Variants in SLC4A4 observed in about 807,000 individuals in gnomAD.
SLC4A4 encodes solute carrier family 4 member 4, also known as electrogenic sodium bicarbonate cotransporter 1.
Under a neutral mutation model 111.5 loss-of-function variants are expected in SLC4A4, and 27 were observed. The ratio of observed to expected loss-of-function variants is 0.24; its 90% CI spans 0.18 to 0.33. The LOEUF is 0.33. Among genes scored for constraint, SLC4A4 ranks in the 10% least tolerant of loss-of-function variants. The pLI, the probability that SLC4A4 is intolerant of heterozygous loss-of-function variation, is 1.00. For missense variants in SLC4A4, 909 were observed against 1,315.5 expected (o/e 0.69, Z 4.78); for synonymous variants, 443 against 463.4 (o/e 0.96, Z 0.57).
At chr4:71,561,330 G>T (rs1003642996) in intron 23 of SLC4A4, among the ~76,000 whole-genome samples, 2 of 151,744 alleles carry the variant, frequency 1.3e-5, no homozygotes, top group African/African-American at 4.8e-5. Context: ...GCTTTATTGA[G>T]GTACGATTGA....
chr4:71,479,642 G>A (rs1007147296), intron 14 of SLC4A4, among the ~76,000 whole-genome samples: 1 of 151,648 alleles, frequency 6.6e-6, no homozygotes, highest in Non-Finnish European at 1.5e-5. Flanking sequence ...TATGAGGTAG[G>A]TTTAAATCAT....
At chr4:71,263,011 C>T (rs1721977876) in intron 3 of SLC4A4, among the ~76,000 whole-genome samples, 1 of 132,704 alleles carries the variant, frequency 7.5e-6, no homozygotes, top group South Asian at 3.1e-4. Context: ...TATCCCTCCC[C>T]CCTCCCCCCA....
chr4:71,235,408 A>G (rs1243302953), intron 1 of SLC4A4, among the ~76,000 whole-genome samples: 2 of 152,236 alleles, frequency 1.3e-5, no homozygotes, highest in Non-Finnish European at 2.9e-5. Flanking sequence ...ACAATATTCA[A>G]TGCCTGAGCA....
rs1744100691 is a variant in SLC4A4, at chr4:71,144,277, G to T, written c.-2+51485G>T. Among the ~76,000 whole-genome samples, 3 of 152,198 alleles carry T rather than the reference G, an allele frequency of 2.0e-5. No homozygotes were observed. In the Middle Eastern group the frequency reaches 0.01, roughly 518 times the overall value. ...GTTGTAGATATGCGGCATTATTTCTGAGGGCTCTGTTCTGTTCCATTGATC... is the reference window on the plus strand; with the variant it reads ...GTTGTAGATATGCGGCATTATTTCTTAGGGCTCTGTTCTGTTCCATTGATC... On this transcript the variant is annotated intron_variant, in intron 2 of 26. Transcript: ENST00000649996.
At chr4:71,313,411 G>T (rs1726378839) in intron 3 of SLC4A4, among the ~76,000 whole-genome samples, 1 of 152,034 alleles carries the variant, frequency 6.6e-6, no homozygotes, top group African/African-American at 2.4e-5. Context: ...TTTCTTCACA[G>T]AATTAGAAAA....
chr4:71,448,761 C>CT (rs1225901729), intron 9 of SLC4A4, among the ~76,000 whole-genome samples: 2 of 152,208 alleles, frequency 1.3e-5, no homozygotes, highest in East Asian at 3.9e-4. Context: ...AAATGTATTG[C>CT]TTTTGCTTCA....
rs541677183 is a variant in SLC4A4, at chr4:71,229,224, T to G, written c.-1-7352T>G. On this transcript the variant is annotated intron_variant, in intron 1 of 25. Transcript: ENST00000264485. ...CCCTGGAAATTCATTCAATTTGGTGTGTGTATCAATAGTTTGTTCATTTTT... is the reference window on the plus strand; with the variant it reads ...CCCTGGAAATTCATTCAATTTGGTGGGTGTATCAATAGTTTGTTCATTTTT... Among the ~76,000 whole-genome samples the G allele has an allele frequency of 6.7e-4, 102 of 152,172 alleles. 1 individual carries two copies. The highest frequency in any genetic ancestry group is 2.1e-3 in the Admixed American group (32 of 15,284).
At chr4:71,423,184 T>C (rs1177821201) in intron 7 of SLC4A4, among the ~76,000 whole-genome samples, 1 of 152,174 alleles carries the variant, frequency 6.6e-6, no homozygotes, top group Non-Finnish European at 1.5e-5. Context: ...AGCGTTCTTA[T>C]ACACCAATAA....
At chr4:71,501,416 A>G (rs182628238) in intron 16 of SLC4A4, among the ~76,000 whole-genome samples, 2 of 151,652 alleles carry the variant, frequency 1.3e-5, no homozygotes, top group East Asian at 3.9e-4. Context: ...CCTTCCTTTC[A>G]TAGGTTATAT....
At chr4:71,082,113 A>G (rs1359712250) in intron 1 of SLC4A4, among the ~76,000 whole-genome samples, 1 of 151,926 alleles carries the variant, frequency 6.6e-6, no homozygotes, top group Non-Finnish European at 1.5e-5. Flanking sequence ...TATATGTTAA[A>G]CCTATTTTGG....
At chr4:71,362,899 T>A (rs1258357896) in intron 6 of SLC4A4, among the ~76,000 whole-genome samples, 1 of 152,170 alleles carries the variant, frequency 6.6e-6, no homozygotes, top group African/African-American at 2.4e-5. Flanking sequence ...TCCTCCATAT[T>A]TGTAGGCACC....
intron 2 of SLC4A4, among the ~76,000 whole-genome samples, chr4:71,171,223 G>A (rs2630555): frequency 0.18 from 27,474 of 151,704 alleles, 5,600 homozygotes; most frequent in African/African-American, 0.5. Flanking sequence ...GAAAATTAAC[G>A]TGGCTTTGCG....
At chr4:71,489,536 C>A (rs1484725553) in intron 15 of SLC4A4, among the ~76,000 whole-genome samples, 2 of 151,730 alleles carry the variant, frequency 1.3e-5, no homozygotes, top group African/African-American at 4.8e-5. Context: ...AGTCATCTCT[C>A]AGTCAGTGTT....
At position 71,569,980 on chromosome 4, in the gene SLC4A4, T is replaced by C. The variant is rs1225530260; in HGVS notation, c.*2229T>C. 6.6e-6 allele frequency: 1 copy of C among 151,792 alleles called. No individual in the cohort carries two copies. The highest frequency in any genetic ancestry group is 1.5e-5 in the Non-Finnish European group (1 of 67,832). The allele number at this position is 151,792 out of a possible 1,614,324, so 9.4% of individuals were successfully genotyped here. A position where few individuals can be genotyped will look rare whatever the true frequency, so the allele number is the denominator to read the frequency against. ...TCCTTAAAATGATGAGTCTATATTA[T>C]CTAGCTTTCTATTACCCTAATATAA... On this transcript the variant is annotated 3_prime_UTR_variant, in exon 26 of 26. Coordinates refer to ENST00000264485, the MANE Select transcript of SLC4A4 (RefSeq NM_001098484.3).
intron 3 of SLC4A4, among the ~76,000 whole-genome samples, chr4:71,267,380 A>T (rs940718613): frequency 6.6e-6 from 1 of 152,220 alleles, no homozygotes; most frequent in Non-Finnish European, 1.5e-5. Context: ...AGTGAAAAAA[A>T]TACTGCAGGT....
intron 3 of SLC4A4, among the ~76,000 whole-genome samples, chr4:71,337,684 T>G (rs549954959): frequency 6.5e-4 from 99 of 152,306 alleles, no homozygotes; most frequent in African/African-American, 2.4e-3. Context: ...AATTTTCATG[T>G]CCTTCAAGCA....
At chr4:71,089,992 AG>A (rs1286860806) in intron 1 of SLC4A4, among the ~76,000 whole-genome samples, 1 of 149,262 alleles carries the variant, frequency 6.7e-6, no homozygotes, top group African/African-American at 2.5e-5. Flanking sequence ...CTGCCCCCAG[AG>A]GTGGAGTCTA....
chr4:71,499,209 G>A (rs1207169209), intron 16 of SLC4A4, among the ~76,000 whole-genome samples: 2 of 152,038 alleles, frequency 1.3e-5, no homozygotes, highest in African/African-American at 2.4e-5. Flanking sequence ...TTTAAGTATA[G>A]TAAGTAGAAA....
At chr4:71,456,742 G>T (rs1380914965) in intron 12 of SLC4A4, among the ~76,000 whole-genome samples, 1 of 152,132 alleles carries the variant, frequency 6.6e-6, no homozygotes, top group Non-Finnish European at 1.5e-5. Flanking sequence ...ATAGTGTAGG[G>T]TATTGATGAA....
Sources: gnomAD v4.1 joint callset for allele counts (sites outside exome capture counted in the v4.1 genomes callset) on GRCh38, gnomAD v4.1.1 for gene constraint, MANE v1.5 for transcripts, NCBI Gene and HGNC (gene_info 2026-07-23, HGNC 2026-07-21) for gene names.